TSNARE1: variants seen among roughly 807,000 people sequenced by gnomAD.
The protein encoded by TSNARE1 is t-SNARE domain-containing protein 1.
A neutral mutation model predicts 62.0 loss-of-function variants in TSNARE1; 49 were observed. That is an observed-to-expected ratio of 0.79 (90% CI 0.63 to 1.00). TSNARE1 has a LOEUF of 1.00. Ranked by LOEUF, TSNARE1 falls within the 50% of genes least tolerant of loss-of-function variation. The pLI, the probability that TSNARE1 is intolerant of heterozygous loss-of-function variation, is 0.00. For synonymous variants in TSNARE1, 328 were observed against 294.4 expected (o/e 1.11, Z -1.17); for missense variants, 755 against 700.1 (o/e 1.08, Z -0.88).
At chr8:142,318,334 C>G (rs1402776032) in intron 7 of TSNARE1, among the ~76,000 whole-genome samples, 1 of 152,182 alleles carries the variant, frequency 6.6e-6, no homozygotes, top group African/African-American at 2.4e-5. Flanking sequence ...CACCAGCTCC[C>G]GGCACGTGGT....
In TSNARE1 at chr8:142,331,794, G is replaced by A; in HGVS notation, c.783C>T (p.Phe261=). The part of the protein sequence containing the change: ...QVDPCNLQEL[F]QEMSANVFRI... ...GGAAGACGTTGGCCGACATCTCCTG[G>A]AACAGCTCCTGGAGGTTGCACGGAT... is the stretch of plus-strand genomic sequence containing the variant. The change falls in exon 5 of 14, where the codon TTC becomes TTT. Residue 261 remains phenylalanine (F), a synonymous_variant. Transcript: ENST00000524325. The A allele has an allele frequency of 6.2e-7, 1 of 1,608,472 alleles. No individual in the cohort carries two copies. Among genetic ancestry groups the A allele is most frequent in the Non-Finnish European group, 8.5e-7 (1 of 1,177,600 alleles).
At chr8:142,292,605 G>A (rs1823987784) in intron 10 of TSNARE1, among the ~76,000 whole-genome samples, 1 of 152,150 alleles carries the variant, frequency 6.6e-6, no homozygotes, top group East Asian at 1.9e-4. Context: ...GCTCTTCTAA[G>A]GGCTTATTTC....
At chr8:142,279,183 T>A (rs10109126) in intron 11 of TSNARE1, among the ~76,000 whole-genome samples, 18 of 152,256 alleles carry the variant, frequency 1.2e-4, no homozygotes, top group African/African-American at 4.1e-4. Context: ...GACTTCTCCC[T>A]GCTGGGACCC....
intron 13 of TSNARE1, among the ~76,000 whole-genome samples, chr8:142,223,027 C>CTCATTCACTCACTCAG: frequency 2.1e-5 from 1 of 48,040 alleles, no homozygotes; most frequent in Non-Finnish European, 4.0e-5. Context: ...CACTCAGCCA[C>CTCATTCACTCACTCAG]TCACTCATTC....
intron 12 of TSNARE1, among the ~76,000 whole-genome samples, chr8:142,268,753 CCTG>C (rs752814556): frequency 4.6e-5 from 7 of 152,190 alleles, no homozygotes; most frequent in Middle Eastern, 3.2e-3. Context: ...TTCCCTACAC[CCTG>C]CTACCTGAAA....
intron 1 of TSNARE1, among the ~76,000 whole-genome samples, chr8:142,397,602 C>T (rs77848321): frequency 0.012 from 1,807 of 152,288 alleles, 38 homozygotes; most frequent in African/African-American, 0.042. Context: ...ACGAGGCAAT[C>T]TTCCACTGTG....
At chr8:142,274,297 G>C (rs1820058669) in intron 12 of TSNARE1, 1 of 985,304 alleles carries the variant, frequency 1.0e-6, no homozygotes, top group Non-Finnish European at 1.2e-6. Flanking sequence ...TCAGCAACAA[G>C]GCCCAGTGAG....
At chr8:142,301,779 C>A (rs1163461261) in intron 9 of TSNARE1, among the ~76,000 whole-genome samples, 1 of 141,190 alleles carries the variant, frequency 7.1e-6, no homozygotes, top group South Asian at 2.3e-4. Flanking sequence ...TCCACTCAGC[C>A]GTGCCCCCGA....
chr8:142,353,838 G>A (rs1270494583), intron 2 of TSNARE1, among the ~76,000 whole-genome samples: 1 of 152,092 alleles, frequency 6.6e-6, no homozygotes, highest in Admixed American at 6.5e-5. Flanking sequence ...AGCAGAGAAG[G>A]GCCCCACGGC....
intron 12 of TSNARE1, among the ~76,000 whole-genome samples, chr8:142,230,031 T>C (rs1240293251): frequency 3.3e-5 from 5 of 152,364 alleles, no homozygotes; most frequent in South Asian, 2.1e-4. Flanking sequence ...GCCAGACATA[T>C]AGTCTTCACC....
At chr8:142,380,120 T>C (rs1412003021) in intron 1 of TSNARE1, among the ~76,000 whole-genome samples, 4 of 152,154 alleles carry the variant, frequency 2.6e-5, no homozygotes, top group South Asian at 4.1e-4. Flanking sequence ...CCAAGCTTTG[T>C]CCAGGGCGTA....
At chr8:142,314,780 G>A (rs997144156) in intron 8 of TSNARE1, among the ~76,000 whole-genome samples, 1 of 152,222 alleles carries the variant, frequency 6.6e-6, no homozygotes, top group South Asian at 2.1e-4. Context: ...CAGAGCTACT[G>A]TGGGTCAGCT....
At chr8:142,392,027 T>C (rs1214997881) in intron 1 of TSNARE1, among the ~76,000 whole-genome samples, 1 of 152,212 alleles carries the variant, frequency 6.6e-6, no homozygotes, top group Non-Finnish European at 1.5e-5. Context: ...TGCAGTTCAT[T>C]TTTTTCTTTT....
intron 12 of TSNARE1, among the ~76,000 whole-genome samples, chr8:142,231,401 A>G (rs560020875): frequency 6.6e-6 from 1 of 152,252 alleles, no homozygotes; most frequent in Admixed American, 6.5e-5. Context: ...GGATGTGGGC[A>G]GGGTAATAAG....
chr8:142,368,982 G>A (rs1355261473), intron 1 of TSNARE1, among the ~76,000 whole-genome samples: 1 of 152,212 alleles, frequency 6.6e-6, no homozygotes, highest in Non-Finnish European at 1.5e-5. Flanking sequence ...GACTCAAGCA[G>A]AGTTTGACTG....
At chr8:142,327,016 C>T (rs772821920) in intron 6 of TSNARE1, among the ~76,000 whole-genome samples, 5 of 152,242 alleles carry the variant, frequency 3.3e-5, no homozygotes, top group East Asian at 3.9e-4. Context: ...ACACTGCTGG[C>T]GGGGGTGTAA....
At chr8:142,382,580 C>A (rs369441157) in intron 1 of TSNARE1, among the ~76,000 whole-genome samples, 2 of 152,162 alleles carry the variant, frequency 1.3e-5, no homozygotes, top group African/African-American at 4.8e-5. Flanking sequence ...CAGGCAGGGA[C>A]CTCCTGGCAG....
intron 12 of TSNARE1, among the ~76,000 whole-genome samples, chr8:142,243,719 T>G (rs561237362): frequency 1.3e-5 from 2 of 152,156 alleles, no homozygotes; most frequent in South Asian, 2.1e-4. Context: ...TAATGTATAG[T>G]AGACTTAAAC....
chr8:142,222,508 T>TCATCCACTCACTCACTCACTCATC (rs1327387114), intron 13 of TSNARE1, among the ~76,000 whole-genome samples: 1 of 56,506 alleles, frequency 1.8e-5, no homozygotes, highest in African/African-American at 7.8e-5. Flanking sequence ...ACTCATCCAC[T>TCATCCACTCACTCACTCACTCATC]CACTCACTCA....
Sources: gnomAD v4.1 joint callset for allele counts (sites outside exome capture counted in the v4.1 genomes callset) on GRCh38, gnomAD v4.1.1 for gene constraint, MANE v1.5 for transcripts, NCBI Gene and HGNC (gene_info 2026-07-23, HGNC 2026-07-21) for gene names.